Variants in TMBIM6 observed in about 807,000 individuals in gnomAD.
TMBIM6 encodes transmembrane BAX inhibitor motif containing 6.
TMBIM6 carries 13 observed loss-of-function variants against 31.4 expected under a neutral mutation model. That is an observed-to-expected ratio of 0.41 (90% CI 0.27 to 0.66). TMBIM6 has a LOEUF of 0.66. TMBIM6 is among the 30% of genes least tolerant of loss of function. The pLI is 0.28. For synonymous variants in TMBIM6, 85 were observed against 101.7 expected, an observed-to-expected ratio of 0.84 and a Z score of 0.99; for missense variants, 275 against 289.5, an observed-to-expected ratio of 0.95 and a Z score of 0.36.
In TMBIM6 at chr12:49,742,435, T is replaced by C. The variant is rs1945314509; in HGVS notation, c.-31+824T>C. Reference sequence around the variant, plus strand: ...GGTATCTTTGTATATTTACTGAGTGTAGAATTACTACCCGGTGCCAGCCCG... The same window carrying C: ...GGTATCTTTGTATATTTACTGAGTGCAGAATTACTACCCGGTGCCAGCCCG... On this transcript the variant is annotated intron_variant, in intron 1 of 9. Transcript: ENST00000267115. 3.8e-6 allele frequency: 4 copies of C among 1,058,550 alleles called. No homozygotes were observed. The East Asian group carries it at 9.2e-5, about 24-fold the overall frequency. 65.6% of individuals were successfully genotyped at this position (1,058,550 alleles called of 1,614,324 possible). A position where few individuals can be genotyped will look rare whatever the true frequency, so the allele number is the denominator to read the frequency against.
At position 49,752,566 on chromosome 12, in the gene TMBIM6, T is replaced by C; in HGVS notation, c.56+17T>C. ...TTCTCATATGTAAGTGTTTTGACCT[T>C]GACTGGTTTTGTACTGCATTTCTTT... On this transcript the variant is annotated intron_variant, in intron 2 of 9. Transcript: ENST00000267115. The C allele has an allele frequency of 6.3e-7, 1 of 1,592,742 alleles. No homozygotes were observed. The highest frequency in any genetic ancestry group is 8.6e-7 in the Non-Finnish European group (1 of 1,161,506).
intron 2 of TMBIM6, 97 bp from the exon 3 acceptor site, chr12:49,752,876 A>C: frequency 8.8e-7 from 1 of 1,138,784 alleles, no homozygotes; most frequent in Non-Finnish European, 1.3e-6. Context: ...CAGAACTTTT[A>C]CATATTCCCA....
chr12:49,742,892 C>T (rs1386492556), intron 1 of TMBIM6, among the ~76,000 whole-genome samples: 1 of 152,122 alleles, frequency 6.6e-6, no homozygotes, highest in African/African-American at 2.4e-5. Flanking sequence ...ATAGTTGAAC[C>T]CTTGAGAAAT....
intron 4 of TMBIM6, 139 bp from the exon 5 acceptor site, chr12:49,758,088 C>T (rs1454822535): frequency 5.6e-6 from 5 of 887,628 alleles, no homozygotes; most frequent in East Asian, 2.4e-5. Flanking sequence ...ACAATTACAG[C>T]GGAGGGGAGA....
At chr12:49,742,189 A>AGAGGCGGGAAGTGAGAG (rs1565914735) in intron 1 of TMBIM6, 23 of 1,612,670 alleles carry the variant, frequency 1.4e-5, no homozygotes, top group Non-Finnish European at 1.8e-5. Flanking sequence ...AGCCAACGGC[A>AGAGGCGGGAAGTGAGAG]GAGGCGGGAA....
intron 1 of TMBIM6, among the ~76,000 whole-genome samples, chr12:49,751,062 A>C (rs1025114055): frequency 7.2e-5 from 11 of 152,176 alleles, no homozygotes; most frequent in Admixed American, 5.2e-4. Flanking sequence ...AGAAGAGATG[A>C]AAGTTCTTGA....
intron 1 of TMBIM6, among the ~76,000 whole-genome samples, chr12:49,742,983 C>CTTT (rs62678761): frequency 3.8e-5 from 3 of 79,048 alleles, no homozygotes; most frequent in East Asian, 3.5e-4. Flanking sequence ...CCTTCCTCCT[C>CTTT]TTTTTTTTTT....
intron 8 of TMBIM6, among the ~76,000 whole-genome samples, chr12:49,760,847 T>G (rs892362828): frequency 7.9e-5 from 12 of 151,682 alleles, no homozygotes; most frequent in Non-Finnish European, 1.2e-4. Flanking sequence ...CAGCTCACTT[T>G]TTTTTTTTTG....
At chr12:49,759,505 T>A (rs918494499) in intron 8 of TMBIM6, among the ~76,000 whole-genome samples, 184 bp downstream of exon 8, 1 of 152,110 alleles carries the variant, frequency 6.6e-6, no homozygotes, top group Admixed American at 6.6e-5. Context: ...TCAGATTTTT[T>A]AAAAATCTGG....
chr12:49,758,689 T>C lies in TMBIM6; in HGVS notation c.440T>C (p.Leu147Ser). Residue 147 changes from leucine (L) to serine (S), a missense_variant, in exon 7 of 10, where the codon TTG (leucine) becomes TCG (serine). Coordinates refer to ENST00000267115, the MANE Select transcript of TMBIM6 (RefSeq NM_003217.3). ...RRSYLFLGGI[L>S]MSALSLLLLS... is the part of the protein sequence containing the mutation. Reference sequence around the variant, plus strand: ...TTTTTGCTGTGTCTTATAGGTATCTTGATGTCAGCCCTGAGCTTGTTGCTT... The same window carrying C: ...TTTTTGCTGTGTCTTATAGGTATCTCGATGTCAGCCCTGAGCTTGTTGCTT... 1 of 1,614,212 alleles carries C rather than the reference T, an allele frequency of 6.2e-7. No individual in the cohort carries two copies. Among genetic ancestry groups the C allele is most frequent in the Non-Finnish European group, 8.5e-7 (1 of 1,180,034 alleles).
At chr12:49,755,274 G>T (rs778458371) in intron 3 of TMBIM6, among the ~76,000 whole-genome samples, 7 of 152,080 alleles carry the variant, frequency 4.6e-5, no homozygotes, top group Non-Finnish European at 1.0e-4. Flanking sequence ...ACCAAAGGGG[G>T]ATCATTTCTA....
intron 4 of TMBIM6, 113 bp downstream of exon 4, chr12:49,755,868 CTG>C (rs1945582295): frequency 1.3e-5 from 17 of 1,264,290 alleles, no homozygotes; most frequent in Non-Finnish European, 1.5e-5. Flanking sequence ...GAGTCTCGCT[CTG>C]TTGCCCAGGC....
chr12:49,759,805 C>CAA (rs57668484), intron 8 of TMBIM6, among the ~76,000 whole-genome samples: 5 of 91,696 alleles, frequency 5.5e-5, no homozygotes, highest in East Asian at 7.9e-4. Flanking sequence ...GACCCTGTCT[C>CAA]AAAAAAAAAA....
intron 3 of TMBIM6, among the ~76,000 whole-genome samples, chr12:49,754,734 T>C (rs1267750299): frequency 6.6e-6 from 1 of 152,234 alleles, no homozygotes; most frequent in Non-Finnish European, 1.5e-5. Flanking sequence ...CTATAGTTTT[T>C]CCCACTTGGC....
chr12:49,753,372 T>C (rs567221963), intron 3 of TMBIM6, among the ~76,000 whole-genome samples: 3 of 152,340 alleles, frequency 2.0e-5, no homozygotes, highest in African/African-American at 7.2e-5. Context: ...GCTGGGATTC[T>C]TTGGCACAGA....
Position 49,753,250 on chromosome 12 carries a change from G to T in TMBIM6, c.165+169G>T, listed in dbSNP as rs73112199. 5.2e-3 allele frequency among the ~76,000 whole-genome samples: 792 copies of T among 152,198 alleles called. 12 individuals carry two copies. The highest frequency in any genetic ancestry group is 3.9e-3 in the South Asian group (19 of 4,816). Reference sequence around the variant, plus strand: ...CATGTAAAGCCATTTTAATTTTCTGGCAACTGTGCCCCCTCTAGATACCGA... The same window carrying T: ...CATGTAAAGCCATTTTAATTTTCTGTCAACTGTGCCCCCTCTAGATACCGA... On this transcript the variant is annotated intron_variant, in intron 3 of 9. Transcript: ENST00000267115.
Position 49,755,628 on chromosome 12 carries a change from C to CG in TMBIM6, c.166-7_166-6insG. ...GTTTAATGATTGATTGATTCTGACTCTAACAGGCTGGCCTGCTGTCTGCCT... is the reference window on the plus strand; with the variant it reads ...GTTTAATGATTGATTGATTCTGACTCGTAACAGGCTGGCCTGCTGTCTGCCT... On this transcript the variant is annotated splice_polypyrimidine_tract_variant and splice_region_variant and intron_variant, in intron 3 of 9. Transcript: ENST00000267115. The CG allele has an allele frequency of 1.9e-6, 3 of 1,612,882 alleles. No individual in the cohort carries two copies. The highest frequency in any genetic ancestry group is 2.5e-6 in the Non-Finnish European group (3 of 1,179,596).
At chr12:49,742,258 TC>T (rs1945310914) in intron 1 of TMBIM6, 1 of 1,607,112 alleles carries the variant, frequency 6.2e-7, no homozygotes, top group African/African-American at 1.3e-5. Flanking sequence ...CCCGCTCTTT[TC>T]GGATTGGTTA....
intron 8 of TMBIM6, among the ~76,000 whole-genome samples, chr12:49,761,414 AG>A (rs1177909340): frequency 6.6e-6 from 1 of 151,950 alleles, no homozygotes; most frequent in African/African-American, 2.4e-5. Context: ...TATGTTACCC[AG>A]GTTGGTCTCG....
Sources: allele counts gnomAD v4.1 joint callset (sites outside exome capture counted in the v4.1 genomes callset), GRCh38; gene constraint gnomAD v4.1.1; transcripts MANE v1.5; gene names NCBI Gene and HGNC (gene_info 2026-07-23, HGNC 2026-07-21).